Variants in CDH2 observed in about 807,000 individuals in gnomAD.
The protein encoded by CDH2 is cadherin-2.
CDH2 carries 17 observed loss-of-function variants against 92.0 expected under a neutral mutation model. That is an observed-to-expected ratio of 0.18 (90% CI 0.13 to 0.28). CDH2 has a LOEUF of 0.28. Among genes scored for constraint, CDH2 ranks in the 10% least tolerant of loss-of-function variants. The pLI, the probability that CDH2 is intolerant of heterozygous loss-of-function variation, is 1.00. For missense variants in CDH2, 862 were observed against 1,133.1 expected (o/e 0.76, Z 3.44); for synonymous variants, 419 against 415.9 (o/e 1.01, Z -0.09).
At chr18:28,103,125 C>T (rs1438714599) in intron 2 of CDH2, among the ~76,000 whole-genome samples, 2 of 146,246 alleles carry the variant, frequency 1.4e-5, no homozygotes, top group African/African-American at 2.5e-5. Flanking sequence ...CACTTATGCC[C>T]AATTAATAAA....
intron 7 of CDH2, among the ~76,000 whole-genome samples, chr18:27,999,148 A>G (rs568151897): frequency 6.6e-6 from 1 of 152,316 alleles, no homozygotes; most frequent in South Asian, 2.1e-4. Flanking sequence ...GGCAGAGGAA[A>G]CGGGAACAGA....
chr18:28,016,170 TTA>T (rs2013240712), intron 2 of CDH2, among the ~76,000 whole-genome samples: 1 of 152,224 alleles, frequency 6.6e-6, no homozygotes, highest in Non-Finnish European at 1.5e-5. Context: ...CACTGATACT[TTA>T]TGTTTATAAT....
At chr18:28,011,529 T>A (rs1806064131) in intron 4 of CDH2, among the ~76,000 whole-genome samples, 1 of 151,884 alleles carries the variant, frequency 6.6e-6, no homozygotes, top group Admixed American at 6.6e-5. Flanking sequence ...AGTTTAGGGG[T>A]GTGTGTGTTA....
At chr18:28,003,974 A>G (rs2012842865) in intron 6 of CDH2, among the ~76,000 whole-genome samples, 1 of 152,088 alleles carries the variant, frequency 6.6e-6, no homozygotes, top group Admixed American at 6.5e-5. Context: ...CCTTTTGAAT[A>G]CTCAAGTTCA....
Position 28,011,960 on chromosome 18 carries a change from T to A in CDH2, c.432A>T (p.Pro144=), listed in dbSNP as rs766360875. 1.2e-6 allele frequency: 2 copies of A among 1,613,970 alleles called. No individual in the cohort carries two copies. Among genetic ancestry groups the A allele is most frequent in the South Asian group, 2.2e-5 (2 of 91,070 alleles). The part of the protein sequence containing the change: ...ESAEVEEIVF[P]RQFSKHSGHL... The stretch of plus-strand genomic sequence containing the variant: ...GGCCACTGTGCTTACTGAATTGTCT[T>A]GGGAACACTATTTCTTCAACTTCTG... Residue 144 remains proline, a synonymous_variant, in exon 4 of 16, where the codon CCA becomes CCT. Transcript: ENST00000269141.
At chr18:28,143,953 C>T (rs1240664545) in intron 2 of CDH2, among the ~76,000 whole-genome samples, 1 of 151,830 alleles carries the variant, frequency 6.6e-6, no homozygotes, top group African/African-American at 2.4e-5. Context: ...AATATGAGAA[C>T]ACATGGACAC....
Position 27,985,527 on chromosome 18 carries a change from C to T in CDH2, c.1975+1G>A. ...TATTCAAATAATTAACCTGTTCTTACCATTAAGCCGAGTGATGGTCCAATT... is the reference window on the plus strand; with the variant it reads ...TATTCAAATAATTAACCTGTTCTTATCATTAAGCCGAGTGATGGTCCAATT... On this transcript the variant is annotated splice_donor_variant, in intron 12 of 15. Coordinates refer to ENST00000269141, the MANE Select transcript of CDH2 (RefSeq NM_001792.5). LOFTEE classifies it high-confidence loss of function. 1 of 1,591,686 alleles carries T rather than the reference C, an allele frequency of 6.3e-7. No individual in the cohort carries two copies.
intron 2 of CDH2, among the ~76,000 whole-genome samples, chr18:28,021,114 T>C (rs1464172951): frequency 6.6e-6 from 1 of 151,942 alleles, no homozygotes; most frequent in Non-Finnish European, 1.5e-5. Flanking sequence ...CAAGCTGGTA[T>C]TAGTCAGAGT....
chr18:28,014,024 T>C (rs1320132993), intron 2 of CDH2, 115 bp from the exon 3 acceptor site: 5 of 673,122 alleles, frequency 7.4e-6, no homozygotes, highest in Non-Finnish European at 1.3e-5. Flanking sequence ...TACAGTAGCA[T>C]GAAACACAGA....
At chr18:27,935,093 T>TC (rs1908986119) in intron 6 of CDH2, among the ~76,000 whole-genome samples, 1 of 152,100 alleles carries the variant, frequency 6.6e-6, no homozygotes, top group Non-Finnish European at 1.5e-5. Flanking sequence ...GTTCCTTTTT[T>TC]CCCCCTTGGG....
At chr18:28,106,257 A>G (rs1374293670) in intron 2 of CDH2, among the ~76,000 whole-genome samples, 2 of 152,136 alleles carry the variant, frequency 1.3e-5, no homozygotes, top group African/African-American at 4.8e-5. Context: ...TCTTTCCTAA[A>G]AATACAAAAA....
At chr18:27,969,380 T>G (rs1197251977) in intron 14 of CDH2, among the ~76,000 whole-genome samples, 1 of 152,232 alleles carries the variant, frequency 6.6e-6, no homozygotes, top group South Asian at 2.1e-4. Flanking sequence ...TCTGCCCCTG[T>G]GGCTTACTGT....
In CDH2 at chr18:27,985,218, AGCT is replaced by A. The variant is rs2012190370; in HGVS notation, c.1988_1990del (p.Gln663del). On this transcript the variant is annotated inframe_deletion, in exon 13 of 16. Coordinates refer to ENST00000269141, the MANE Select transcript of CDH2 (RefSeq NM_001792.5). ...TTCAAGAAATTTTATCTTTAAATTA[AGCT>A]GAGCAAAATCACCTATATGAAAAAG... 1 of 1,604,234 alleles carries A rather than the reference AGCT, an allele frequency of 6.2e-7. No homozygotes were observed.
chr18:28,033,945 A>C (rs937535724), intron 2 of CDH2, among the ~76,000 whole-genome samples: 1 of 152,150 alleles, frequency 6.6e-6, no homozygotes, highest in Non-Finnish European at 1.5e-5. Flanking sequence ...TTTTACAAGC[A>C]ATCTTCAATA....
At position 27,952,116 on chromosome 18, in the gene CDH2, GT is replaced by G. The variant is rs1203303823; in HGVS notation, c.*36del. The G allele has an allele frequency of 3.9e-6, 6 of 1,528,100 alleles. No individual in the cohort carries two copies. The African/African-American group carries it at 8.2e-5, about 21-fold the overall frequency. 94.7% of individuals were successfully genotyped at this position (1,528,100 alleles called of 1,614,324 possible). ...CTTTTTGGGAATATCAGTTGAAATT[GT>G]TTGTACTTGTCCAAAAACCAAGTTC... is the stretch of plus-strand genomic sequence containing the variant. On this transcript the variant is annotated 3_prime_UTR_variant, in exon 16 of 16. Transcript: ENST00000269141.
chr18:28,001,220 G>A (rs1000019970), intron 7 of CDH2, among the ~76,000 whole-genome samples: 6 of 152,126 alleles, frequency 3.9e-5, no homozygotes, highest in East Asian at 1.9e-4. Flanking sequence ...ATGGCCTCAC[G>A]TCAGGCTTTC....
chr18:28,143,687 A>AAG lies in CDH2; in HGVS notation c.172+3984_172+3985dup, dbSNP rs5823588. 3.1e-3 allele frequency among the ~76,000 whole-genome samples: 469 copies of AAG among 152,026 alleles called. 4 individuals are homozygous for AAG. The highest frequency in any genetic ancestry group is 0.011 in the African/African-American group (440 of 41,494). On this transcript the variant is annotated intron_variant, in intron 2 of 15. Coordinates refer to ENST00000269141, the MANE Select transcript of CDH2 (RefSeq NM_001792.5). ...GGATCCTTTCTCTGTGTTATACCAT[A>AAG]AGTTTTTTATCATCACCATCATCAG... is the stretch of plus-strand genomic sequence containing the variant.
At chr18:28,030,114 C>T (rs1316606332) in intron 2 of CDH2, among the ~76,000 whole-genome samples, 1 of 152,030 alleles carries the variant, frequency 6.6e-6, no homozygotes, top group Non-Finnish European at 1.5e-5. Flanking sequence ...GTCTGAATTA[C>T]ATCCTTTGCC....
chr18:28,103,650 C>T lies in CDH2; in HGVS notation c.172+44023G>A, dbSNP rs187701393. On this transcript the variant is annotated intron_variant, in intron 2 of 15. Transcript: ENST00000269141. The stretch of plus-strand genomic sequence containing the variant: ...ATTTCTCCTAATGCTATCCATCCCC[C>T]TAGCCCCCATCCCCTGAGAGGCCCC... Among the ~76,000 whole-genome samples, 22 of 151,948 alleles carry T rather than the reference C, an allele frequency of 1.4e-4. No individual in the cohort carries two copies. The East Asian group carries it at 3.9e-3, about 27-fold the overall frequency.
Sources: allele counts gnomAD v4.1 joint callset (sites outside exome capture counted in the v4.1 genomes callset), GRCh38; gene constraint gnomAD v4.1.1; transcripts MANE v1.5; gene names NCBI Gene and HGNC (gene_info 2026-07-23, HGNC 2026-07-21).